The following MGST1 variants were observed in gnomAD, a reference collection of about 807,000 sequenced individuals.
MGST1 encodes microsomal glutathione S-transferase 1.
MGST1 carries 5 observed loss-of-function variants against 8.9 expected under a neutral mutation model. The observed-to-expected ratio is 0.56, with a 90% CI of 0.29 to 1.19. The LOEUF (loss-of-function observed/expected upper bound fraction) is 1.19, where lower values mean the gene tolerates loss of function less well. MGST1 is among the 50% of genes most tolerant of loss of function. MGST1 has a pLI of 0.08. For missense variants in MGST1, 182 were observed against 187.4 expected (o/e 0.97, Z 0.17); for synonymous variants, 54 against 67.8 (o/e 0.80, Z 1.00).
downstream of MGST1, among the ~76,000 whole-genome samples, chr12:16,378,144 C>A (rs1214207260): frequency 4.2e-4 from 64 of 152,108 alleles, no homozygotes; most frequent in African/African-American, 1.1e-3. Context: ...GAAGCTCTTT[C>A]ATTTAATTAG....
chr12:16,514,087 A>G (rs1941594909), intron 4 of MGST1: 1 of 383,054 alleles, frequency 2.6e-6, no homozygotes, highest in Non-Finnish European at 5.1e-6. Flanking sequence ...GGTGAAGAAA[A>G]CAAAAATCTC....
intron 1 of MGST1, among the ~76,000 whole-genome samples, chr12:16,408,030 C>CAAAAAAAAAAAAAAAAA (rs200073692): frequency 6.6e-4 from 29 of 44,090 alleles, no homozygotes; most frequent in East Asian, 2.4e-3. Flanking sequence ...GACTCTGTCT[C>CAAAAAAAAAAAAAAAAA]AAAAAAAAAA....
chr12:16,431,051 A>G (rs1242831346), intron 1 of MGST1, among the ~76,000 whole-genome samples: 1 of 152,218 alleles, frequency 6.6e-6, no homozygotes, highest in Non-Finnish European at 1.5e-5. Context: ...ACTTTATGTT[A>G]TTAACATGGC....
intron 4 of MGST1, among the ~76,000 whole-genome samples, chr12:16,572,105 G>T (rs1311007606): frequency 6.6e-6 from 1 of 151,864 alleles, no homozygotes; most frequent in Non-Finnish European, 1.5e-5. Context: ...ATGGTATCCT[G>T]CAAGAAAAAG....
downstream of MGST1, among the ~76,000 whole-genome samples, chr12:16,381,571 C>CA (rs1297250712): frequency 6.6e-6 from 1 of 152,192 alleles, no homozygotes; most frequent in Non-Finnish European, 1.5e-5. Context: ...CTGCTCTTAA[C>CA]ATTTTTTCCT....
downstream of MGST1, among the ~76,000 whole-genome samples, chr12:16,366,231 G>A (rs1325677905): frequency 3.9e-5 from 6 of 152,178 alleles, no homozygotes; most frequent in Non-Finnish European, 1.5e-5. The surrounding 1 kb of genome is among the most constrained non-coding windows in gnomAD (Gnocchi z 4.0). Context: ...AAAGTCTAGG[G>A]ATTACCCAGT....
intron 1 of MGST1, chr12:16,400,313 G>C: frequency 2.5e-6 from 2 of 800,034 alleles, no homozygotes; most frequent in South Asian, 2.8e-5. Context: ...AATGAAGCAT[G>C]CTTAATATTA....
intron 1 of MGST1, among the ~76,000 whole-genome samples, chr12:16,388,358 G>A (rs892418709): frequency 2.6e-5 from 4 of 152,138 alleles, no homozygotes; most frequent in African/African-American, 9.7e-5. Flanking sequence ...GTGTCAGTGA[G>A]TGAGTGGGGA....
At chr12:16,512,838 GAAGT>G (rs1301716557) in intron 4 of MGST1, among the ~76,000 whole-genome samples, 1 of 152,196 alleles carries the variant, frequency 6.6e-6, no homozygotes, top group Non-Finnish European at 1.5e-5. Flanking sequence ...TGTTTTCAAA[GAAGT>G]GAGTAGAAAT....
At chr12:16,368,913 G>C (rs1218185063), downstream of MGST1, among the ~76,000 whole-genome samples, 1 of 152,148 alleles carries the variant, frequency 6.6e-6, no homozygotes, top group Non-Finnish European at 1.5e-5. Flanking sequence ...GAAGAGATCT[G>C]TATTAGTAAC....
chr12:16,427,374 A>G (rs1940899747), intron 1 of MGST1, among the ~76,000 whole-genome samples: 1 of 152,330 alleles, frequency 6.6e-6, no homozygotes, highest in African/African-American at 2.4e-5. Flanking sequence ...AGGCATTTAA[A>G]TAATAATCAA....
chr12:16,457,364 G>A (rs1041953604), intron 4 of MGST1, among the ~76,000 whole-genome samples: 1 of 151,972 alleles, frequency 6.6e-6, no homozygotes, highest in Middle Eastern at 3.4e-3. Flanking sequence ...TTCAAAGTTG[G>A]TCATCTTATT....
intron 1 of MGST1, among the ~76,000 whole-genome samples, chr12:16,388,332 T>C: frequency 6.6e-6 from 1 of 151,990 alleles, no homozygotes; most frequent in East Asian, 2.0e-4. Flanking sequence ...GCTTGCAGGA[T>C]TGGAAGTTGC....
rs1939271393 is a variant in MGST1 at position 16,347,850 on chromosome 12, T to A, written c.-23+140T>A. 6.6e-6 allele frequency: 1 copy of A among 152,202 alleles called. No individual in the cohort carries two copies. Among genetic ancestry groups the A allele is most frequent in the South Asian group, 2.1e-4 (1 of 4,832 alleles). 9.4% of individuals were successfully genotyped at this position (152,202 alleles called of 1,614,324 possible). A position where few individuals can be genotyped will look rare whatever the true frequency, so the allele number is the denominator to read the frequency against. On this transcript the variant is annotated intron_variant, in intron 1 of 3. Coordinates refer to ENST00000396210, the MANE Select transcript of MGST1 (RefSeq NM_020300.5). The surrounding 1 kb of genome is among the most constrained non-coding windows in gnomAD (Gnocchi z 4.0). ...CTCCACTTAGCAGCTAAACTTAGCT[T>A]TTCAATCGATCGCTTTTGAAAGGGA...
Position 16,364,301 on chromosome 12 carries a change from T to TAACA in MGST1, c.*261_*264dup. 8.8e-7 allele frequency: 1 copy of TAACA among 1,131,392 alleles called. No individual in the cohort carries two copies. Among genetic ancestry groups the TAACA allele is most frequent in the Non-Finnish European group, 1.1e-6 (1 of 921,720 alleles). 70.1% of individuals were successfully genotyped at this position (1,131,392 alleles called of 1,614,324 possible). A position where few individuals can be genotyped will look rare whatever the true frequency, so the allele number is the denominator to read the frequency against. ...TAAATTTGGATCATGTTATGATTTGTAACATTCACACAACACCTCACTTTT... is the reference window on the plus strand; with the variant it reads ...TAAATTTGGATCATGTTATGATTTGTAACAAACATTCACACAACACCTCACTTTT... On this transcript the variant is annotated 3_prime_UTR_variant, in exon 4 of 4. Transcript: ENST00000396210. The surrounding 1 kb of genome is among the most constrained non-coding windows in gnomAD (Gnocchi z 5.7).
intron 4 of MGST1, among the ~76,000 whole-genome samples, chr12:16,535,425 GT>G (rs1941751115): frequency 6.6e-6 from 1 of 152,164 alleles, no homozygotes; most frequent in Admixed American, 6.5e-5. Flanking sequence ...ATTATAAAGA[GT>G]TTTAGTATAA....
downstream of MGST1, among the ~76,000 whole-genome samples, chr12:16,369,239 A>G (rs1423776892): frequency 6.6e-6 from 1 of 152,164 alleles, no homozygotes; most frequent in Admixed American, 6.6e-5. The surrounding 1 kb of genome is among the most constrained non-coding windows in gnomAD (Gnocchi z 4.8). Flanking sequence ...CCTTAATTCT[A>G]AAGTGGCAAA....
chr12:16,394,678 A>G (rs1222326311), intron 1 of MGST1, among the ~76,000 whole-genome samples: 1 of 151,458 alleles, frequency 6.6e-6, no homozygotes. Context: ...CTGCACTGCA[A>G]CCTCCACCTC....
At chr12:16,543,107 A>G (rs975737271) in intron 4 of MGST1, among the ~76,000 whole-genome samples, 1 of 152,172 alleles carries the variant, frequency 6.6e-6, no homozygotes, top group Non-Finnish European at 1.5e-5. Flanking sequence ...CCTCAAGTGC[A>G]GGGACTCTTC....
Sources: allele counts gnomAD v4.1 joint callset (sites outside exome capture counted in the v4.1 genomes callset), GRCh38; gene constraint gnomAD v4.1.1; non-coding constraint Gnocchi (gnomAD v3.1); transcripts MANE v1.5; gene names NCBI Gene and HGNC (gene_info 2026-07-23, HGNC 2026-07-21).